Variants in PCDHA6 observed in about 807,000 individuals in gnomAD.
PCDHA6 encodes protocadherin alpha-6.
A neutral mutation model predicts 60.3 loss-of-function variants in PCDHA6; 55 were observed. The observed-to-expected ratio is 0.91, with a 90% CI of 0.73 to 1.14. The LOEUF is 1.14. PCDHA6 is among the 50% of genes most tolerant of loss of function. The probability of loss-of-function intolerance (pLI) is 0.00; values close to 1 mark genes in which losing one functional copy is unlikely to be tolerated. For synonymous variants in PCDHA6, 652 were observed against 557.9 expected, an observed-to-expected ratio of 1.17 and a Z score of -2.38; for missense variants, 1,327 against 1,256.5, an observed-to-expected ratio of 1.06 and a Z score of -0.85.
chr5:140,981,685 C>G lies in PCDHA6; in HGVS notation c.2454-790C>G, dbSNP rs369964011. 6.6e-4 allele frequency among the ~76,000 whole-genome samples: 101 copies of G among 152,166 alleles called. No individual in the cohort carries two copies. In the South Asian group the frequency reaches 0.018, roughly 27 times the overall value. ...TCCTTCCTTTCTTCCTTCCTCCCTT[C>G]CATCATTCATTCATTCATTCATTCA... On this transcript the variant is annotated intron_variant, in intron 2 of 3. Transcript: ENST00000529310.
In PCDHA6 at chr5:140,863,325, AGT is replaced by A. The variant is rs1554158100; in HGVS notation, c.2394+32842_2394+32843del. 4 of 1,432,658 alleles carry A rather than the reference AGT, an allele frequency of 2.8e-6. No individual in the cohort carries two copies. In the African/African-American group the frequency reaches 5.7e-5, roughly 21 times the overall value. The allele number at this position is 1,432,658 out of a possible 1,614,324, so 88.7% of individuals were successfully genotyped here. On this transcript the variant is annotated intron_variant, in intron 1 of 3. Transcript: ENST00000529310. ...CCATCTGCGTGGTGTCCAGCCTGTT[AGT>A]GCTCACGTTGCTGCTGTACACGACG...
chr5:140,999,854 C>T (rs1459226420), intron 3 of PCDHA6, among the ~76,000 whole-genome samples: 4 of 152,112 alleles, frequency 2.6e-5, no homozygotes, highest in Admixed American at 1.3e-4. Context: ...TTATCTCTTC[C>T]GCTCCAAGAT....
chr5:140,969,781 A>G (rs1017019880), intron 1 of PCDHA6, among the ~76,000 whole-genome samples: 3 of 152,336 alleles, frequency 2.0e-5, no homozygotes, highest in East Asian at 1.9e-4. Flanking sequence ...AGGGGCTATC[A>G]TAGTCACCAC....
At chr5:140,836,301 A>G (rs2150257154) in intron 1 of PCDHA6, 2 of 1,613,612 alleles carry the variant, frequency 1.2e-6, no homozygotes, top group South Asian at 1.1e-5. Context: ...CCTAGATGAG[A>G]CGGACGCACC....
Position 140,829,474 on chromosome 5 carries a change from A to C in PCDHA6, c.1383A>C (p.Thr461=). The part of the protein sequence containing the change: ...NAPAFAQPEY[T]VFVKENNPPG... ...CGGCGTTCGCGCAGCCCGAGTACAC[A>C]GTGTTCGTGAAGGAGAACAACCCGC... Residue 461 remains threonine (T), a synonymous_variant, in exon 1 of 4, where the codon ACA becomes ACC. Coordinates refer to ENST00000529310, the MANE Select transcript of PCDHA6 (RefSeq NM_018909.4). 6.2e-7 allele frequency: 1 copy of C among 1,613,826 alleles called. No homozygotes were observed. The highest frequency in any genetic ancestry group is 8.5e-7 in the Non-Finnish European group (1 of 1,180,010).
Position 140,972,810 on chromosome 5 carries a change from C to T in PCDHA6, c.2395-6139C>T, listed in dbSNP as rs546110006. 7.2e-5 allele frequency among the ~76,000 whole-genome samples: 11 copies of T among 151,984 alleles called. No homozygotes were observed. In the East Asian group the frequency reaches 9.7e-4, roughly 13 times the overall value. On this transcript the variant is annotated intron_variant, in intron 1 of 3. Transcript: ENST00000529310. ...TCCTGAGTAGCTGAGATTACAGGCA[C>T]GCGCCACCACGCCTGGCTAATTTTT...
intron 1 of PCDHA6, among the ~76,000 whole-genome samples, chr5:140,906,547 C>T (rs2072745421): frequency 6.6e-6 from 1 of 152,218 alleles, no homozygotes; most frequent in Non-Finnish European, 1.5e-5. Flanking sequence ...CTCATTTCTG[C>T]AACTGGTTGT....
At chr5:140,870,001 G>T in intron 1 of PCDHA6, 34 of 1,613,566 alleles carry the variant, frequency 2.1e-5, no homozygotes, top group Non-Finnish European at 2.9e-5. Context: ...AAATAATGGA[G>T]AAGTGAGGGT....
intron 1 of PCDHA6, among the ~76,000 whole-genome samples, chr5:140,872,428 G>C (rs2053656212): frequency 6.6e-6 from 1 of 151,990 alleles, no homozygotes; most frequent in African/African-American, 2.4e-5. Context: ...AGAGTTCGAG[G>C]CCTGCCTGGA....
At chr5:140,951,373 C>T (rs1554219872) in intron 1 of PCDHA6, among the ~76,000 whole-genome samples, 1 of 151,996 alleles carries the variant, frequency 6.6e-6, no homozygotes, top group Non-Finnish European at 1.5e-5. Context: ...AAAGAAACAC[C>T]CAAGACTCGG....
In PCDHA6 at chr5:140,893,407, C is replaced by T. The variant is rs782798159; in HGVS notation, c.2394+62922C>T. Among the ~76,000 whole-genome samples, 300 of 152,168 alleles carry T rather than the reference C, an allele frequency of 2.0e-3. 2 individuals are homozygous for T. The highest frequency in any genetic ancestry group is 3.7e-3 in the Non-Finnish European group (250 of 67,998). The stretch of plus-strand genomic sequence containing the variant: ...GTGGCTCATGCCTGTAATCCCAGCA[C>T]TTAGGGAGGCAGAGGCAGGAAGATC... On this transcript the variant is annotated intron_variant, in intron 1 of 3. Transcript: ENST00000529310.
chr5:140,850,297 C>G, intron 1 of PCDHA6: 2 of 1,596,438 alleles, frequency 1.3e-6, no homozygotes, highest in Non-Finnish European at 1.7e-6. Flanking sequence ...GACGCCGACT[C>G]GGGCTACAAC....
Position 140,828,120 on chromosome 5 carries a change from G to T in PCDHA6, c.29G>T (p.Gly10Val). 1 of 1,612,792 alleles carries T rather than the reference G, an allele frequency of 6.2e-7. No individual in the cohort carries two copies. MVFTPEDRL[G>V]KQCLLLPLLL... ...GTGTTTACCCCGGAGGATAGATTGG[G>T]AAAGCAATGTCTGCTCCTCCCGCTT... The change falls in exon 1 of 4, where the codon GGA becomes GTA. Residue 10 changes from glycine to valine, a missense_variant. Physicochemically the swap from Gly to Val is moderately radical, Grantham distance 109 (BLOSUM62 -3). Transcript: ENST00000529310.
At chr5:140,867,906 T>C (rs1183238322) in intron 1 of PCDHA6, 1 of 152,148 alleles carries the variant, frequency 6.6e-6, no homozygotes, top group African/African-American at 2.4e-5. Context: ...TTACAGAAGG[T>C]ATAATTAAAA....
chr5:140,963,175 T>C (rs1408160891), intron 1 of PCDHA6, among the ~76,000 whole-genome samples: 1 of 152,046 alleles, frequency 6.6e-6, no homozygotes, highest in East Asian at 1.9e-4. Context: ...ATCTTACAGA[T>C]ATGCTGTAGA....
At chr5:140,909,634 T>G (rs2074616296) in intron 1 of PCDHA6, among the ~76,000 whole-genome samples, 1 of 152,176 alleles carries the variant, frequency 6.6e-6, no homozygotes, top group Non-Finnish European at 1.5e-5. Flanking sequence ...GTCTTCCTAT[T>G]TTGTCTTTTC....
Position 140,893,497 on chromosome 5 carries a change from GA to G in PCDHA6, c.2394+63021del, listed in dbSNP as rs1157700367. Among the ~76,000 whole-genome samples the G allele has an allele frequency of 3.1e-4, 47 of 150,168 alleles. No individual in the cohort carries two copies. The Middle Eastern group carries it at 0.01, about 33-fold the overall frequency. ...GCAAGACCCTGTTCTTCACAAAAAAGAAAAAAAAAGCAGTTGTAGAACTCCT... is the reference window on the plus strand; with the variant it reads ...GCAAGACCCTGTTCTTCACAAAAAAGAAAAAAAAGCAGTTGTAGAACTCCT... On this transcript the variant is annotated intron_variant, in intron 1 of 3. Transcript: ENST00000529310.
Position 140,997,511 on chromosome 5 carries a change from G to A in PCDHA6, c.2543-12116G>A, listed in dbSNP as rs565737825. Among the ~76,000 whole-genome samples, 79 of 152,108 alleles carry A rather than the reference G, an allele frequency of 5.2e-4. No individual in the cohort carries two copies. In the South Asian group the frequency reaches 1.0e-2, roughly 19 times the overall value. ...TTTGTGTATCTCAACATACCTAAACGCAGAAAAAGTACAATAAAAATACAT... is the reference window on the plus strand; with the variant it reads ...TTTGTGTATCTCAACATACCTAAACACAGAAAAAGTACAATAAAAATACAT... On this transcript the variant is annotated intron_variant, in intron 3 of 3. Transcript: ENST00000529310.
Position 140,967,464 on chromosome 5 carries a change from G to A in PCDHA6, c.2395-11485G>A, listed in dbSNP as rs781900904. The A allele has an allele frequency of 1.9e-6, 3 of 1,613,386 alleles. No individual in the cohort carries two copies. In the East Asian group the frequency reaches 6.7e-5, roughly 36 times the overall value. ...CTGGTTCTCACAGCCGTGGATGGGG[G>A]CATCCCAGCCCGCTCGGGTACGGCA... On this transcript the variant is annotated intron_variant, in intron 1 of 3. Coordinates refer to ENST00000529310, the MANE Select transcript of PCDHA6 (RefSeq NM_018909.4).
Sources: allele counts gnomAD v4.1 joint callset (sites outside exome capture counted in the v4.1 genomes callset), GRCh38; gene constraint gnomAD v4.1.1; transcripts MANE v1.5; gene names NCBI Gene and HGNC (gene_info 2026-07-23, HGNC 2026-07-21).